CSN2: variants seen among roughly 807,000 people sequenced by gnomAD.
CSN2 encodes casein beta, also known as beta-casein.
In CSN2, 27 loss-of-function variants were observed where a neutral mutation model predicts 27.3. That is an observed-to-expected ratio of 0.99 (90% CI 0.73 to 1.36). The LOEUF (loss-of-function observed/expected upper bound fraction) is 1.36, where lower values mean the gene tolerates loss of function less well. Among genes scored for constraint, CSN2 ranks in the 40% most tolerant of loss-of-function variants. The pLI is 0.00. For synonymous variants in CSN2, 131 were observed against 94.8 expected, an observed-to-expected ratio of 1.38 and a Z score of -2.22; for missense variants, 333 against 264.5, an observed-to-expected ratio of 1.26 and a Z score of -1.80.
intron 3 of CSN2, among the ~76,000 whole-genome samples, chr4:69,959,735 C>G (rs1723510846): frequency 6.6e-6 from 1 of 151,890 alleles, no homozygotes; most frequent in Admixed American, 6.6e-5. Context: ...CAATGTCTGA[C>G]CCATAGAAGG....
rs1578144155 is a variant in CSN2 at position 69,959,186 on chromosome 4, C to T, written c.79-117G>A. ...AATATCATTAATAACTTTGTATAATCATTAAACTTATGTATTAAACTGTTC... is the reference window on the plus strand; with the variant it reads ...AATATCATTAATAACTTTGTATAATTATTAAACTTATGTATTAAACTGTTC... On this transcript the variant is annotated intron_variant, in intron 3 of 7. Coordinates refer to ENST00000353151, the MANE Select transcript of CSN2 (RefSeq NM_001891.4). The T allele has an allele frequency of 8.6e-6, 7 of 816,264 alleles. No homozygotes were observed. In the East Asian group the frequency reaches 1.7e-4, roughly 20 times the overall value. 50.6% of individuals were successfully genotyped at this position (816,264 alleles called of 1,614,324 possible).
rs1487364290 is a variant in CSN2 at position 69,957,814 on chromosome 4, A to G, written c.145-10T>C. ...TATCCTGGTGTTCATCCTGGAAAGA[A>G]GGAAAAAGAATCTTTGAGTCCTTGA... On this transcript the variant is annotated splice_polypyrimidine_tract_variant and intron_variant, in intron 5 of 7. Transcript: ENST00000353151. 6.2e-7 allele frequency: 1 copy of G among 1,604,874 alleles called. No homozygotes were observed. The highest frequency in any genetic ancestry group is 2.2e-5 in the East Asian group (1 of 44,760).
In CSN2 at chr4:69,956,503, A is replaced by AAAATAAATAAAT. The variant is rs567888173; in HGVS notation, c.676-160_676-149dup. ...ACCAGATGTGAAGTAAGGCTTGTGT[A>AAAATAAATAAAT]AAATAAATAAATAAATAAATAAATA... is the stretch of plus-strand genomic sequence containing the variant. On this transcript the variant is annotated intron_variant, in intron 6 of 7. Coordinates refer to ENST00000353151, the MANE Select transcript of CSN2 (RefSeq NM_001891.4). 9.7e-6 allele frequency: 5 copies of AAAATAAATAAAT among 515,458 alleles called. No individual in the cohort carries two copies. The African/African-American group carries it at 1.0e-4, about 10-fold the overall frequency. The allele number at this position is 515,458 out of a possible 1,614,324, so 31.9% of individuals were successfully genotyped here.
At chr4:69,955,867 T>C (rs1270203490) in intron 7 of CSN2, among the ~76,000 whole-genome samples, 4 of 152,026 alleles carry the variant, frequency 2.6e-5, no homozygotes, top group African/African-American at 9.7e-5. Context: ...TCTCCTCTTT[T>C]TAACCTTTAC....
At chr4:69,959,119 T>A in intron 3 of CSN2, 50 bp from the exon 4 acceptor site, 2 of 1,172,050 alleles carry the variant, frequency 1.7e-6, no homozygotes, top group South Asian at 3.0e-5. Flanking sequence ...CAATTCTTAC[T>A]TTGCAATATA....
chr4:69,963,480 G>T (rs923930148), intron 1 of CSN2, among the ~76,000 whole-genome samples: 2 of 151,428 alleles, frequency 1.3e-5, no homozygotes, highest in African/African-American at 4.9e-5. Context: ...GCAAACTATC[G>T]CAAGGACAAA....
At chr4:69,962,465 AC>A (rs1309768483) in intron 1 of CSN2, among the ~76,000 whole-genome samples, 2 of 152,218 alleles carry the variant, frequency 1.3e-5, no homozygotes, top group African/African-American at 4.8e-5. Context: ...GACAAAGCTG[AC>A]AAAAACAAGC....
Position 69,960,907 on chromosome 4 carries a change from T to C in CSN2, c.51+38A>G, listed in dbSNP as rs186903559. 4.7e-4 allele frequency: 735 copies of C among 1,560,702 alleles called. 5 individuals are homozygous for C. The African/African-American group carries it at 8.7e-3, about 18-fold the overall frequency. On this transcript the variant is annotated intron_variant, in intron 2 of 7. Coordinates refer to ENST00000353151, the MANE Select transcript of CSN2 (RefSeq NM_001891.4). ...CTACAAATAAGCATATAGTCCACTA[T>C]TTATTGATTGTTTAGGAATTTTTTC...
At chr4:69,962,364 T>C (rs916087277) in intron 1 of CSN2, among the ~76,000 whole-genome samples, 3 of 152,142 alleles carry the variant, frequency 2.0e-5, no homozygotes, top group African/African-American at 7.2e-5. Context: ...CAAAACAGCA[T>C]GGTACTTGGT....
Position 69,959,078 on chromosome 4 carries a change from A to T in CSN2, c.79-9T>A, listed in dbSNP as rs1324261679. The T allele has an allele frequency of 2.3e-6, 3 of 1,327,288 alleles. No individual in the cohort carries two copies. Among genetic ancestry groups the T allele is most frequent in the Admixed American group, 2.3e-5 (1 of 43,570 alleles). The allele number at this position is 1,327,288 out of a possible 1,614,324, so 82.2% of individuals were successfully genotyped here. Reference sequence around the variant, plus strand: ...TATTCTGTAATAGATTCCTACAGAAAAATATAAAATAAAATTAGGTTTAGT... The same window carrying T: ...TATTCTGTAATAGATTCCTACAGAATAATATAAAATAAAATTAGGTTTAGT... On this transcript the variant is annotated splice_polypyrimidine_tract_variant and intron_variant, in intron 3 of 7. Transcript: ENST00000353151.
intron 1 of CSN2, among the ~76,000 whole-genome samples, chr4:69,962,720 C>T (rs1345317047): frequency 2.0e-5 from 3 of 151,924 alleles, no homozygotes; most frequent in Non-Finnish European, 2.9e-5. Context: ...GCAACAAAAG[C>T]CAAAATTGAC....
chr4:69,957,919 TATTTCACTTATTTTGGTTA>T, intron 5 of CSN2, 115 bp from the exon 6 acceptor site: 2 of 971,714 alleles, frequency 2.1e-6, no homozygotes, highest in African/African-American at 3.3e-5. Context: ...GAGGAGAAAA[TATTTCACTTATTTTGGTTA>T]AGAAAGTATC....
In CSN2 at chr4:69,955,397, G is replaced by T. The variant is rs1413563323; in HGVS notation, c.*232C>A. 6.6e-6 allele frequency: 1 copy of T among 152,346 alleles called. No homozygotes were observed. Among genetic ancestry groups the T allele is most frequent in the Non-Finnish European group, 1.5e-5 (1 of 67,922 alleles). The allele number at this position is 152,346 out of a possible 1,614,324, so 9.4% of individuals were successfully genotyped here. On this transcript the variant is annotated 3_prime_UTR_variant, in exon 8 of 8. Coordinates refer to ENST00000353151, the MANE Select transcript of CSN2 (RefSeq NM_001891.4). ...TTCCAAATGAGTATTGAACTTCTGT[G>T]GTACTAGTTGAATTAAGATTTGGAA...
At position 69,957,762 on chromosome 4, in the gene CSN2, G is replaced by C; in HGVS notation, c.187C>G (p.Pro63Ala). 1 of 1,613,910 alleles carries C rather than the reference G, an allele frequency of 6.2e-7. No homozygotes were observed. The highest frequency in any genetic ancestry group is 8.5e-7 in the Non-Finnish European group (1 of 1,179,910). ...GGTTCAACGAATGGATAGATCAGAG[G>C]CTGTGGCTGGAAAGAGGGGTAGATT... is the stretch of plus-strand genomic sequence containing the variant. ...DKIYPSFQPQ[P>A]LIYPFVEPIP... The change falls in exon 6 of 8, where the codon CCT becomes GCT. Residue 63 changes from proline to alanine, a missense_variant. Coordinates refer to ENST00000353151, the MANE Select transcript of CSN2 (RefSeq NM_001891.4).
intron 1 of CSN2, among the ~76,000 whole-genome samples, chr4:69,963,062 C>T (rs866871008): frequency 2.6e-4 from 39 of 151,876 alleles, no homozygotes; most frequent in Middle Eastern, 3.4e-3. Flanking sequence ...GTTAGAATGG[C>T]GATCATTAAA....
At chr4:69,955,664 A>G (rs1195899050) in intron 7 of CSN2, 72 bp from the exon 8 acceptor site, 1 of 152,398 alleles carries the variant, frequency 6.6e-6, no homozygotes, top group Non-Finnish European at 1.5e-5. Context: ...TTCACTTTTA[A>G]CTTTGGTGTG....
At position 69,957,522 on chromosome 4, in the gene CSN2, G is replaced by C; in HGVS notation, c.427C>G (p.Leu143Val). The C allele has an allele frequency of 6.2e-7, 1 of 1,613,972 alleles. No individual in the cohort carries two copies. The highest frequency in any genetic ancestry group is 1.7e-5 in the Admixed American group (1 of 59,912). Residue 143 changes from leucine to valine, a missense_variant, in exon 6 of 8, where the codon CTG becomes GTG. By Grantham distance (32) the Leu-to-Val change is conservative (BLOSUM62 1). Coordinates refer to ENST00000353151, the MANE Select transcript of CSN2 (RefSeq NM_001891.4). Reference sequence around the variant, plus strand: ...TGCATCAAGGGCTGGAGCAGAGGCAGAGGAAGATGCAGATTTTCAAGATCA... The same window carrying C: ...TGCATCAAGGGCTGGAGCAGAGGCACAGGAAGATGCAGATTTTCAAGATCA... ...LTDLENLHLP[L>V]PLLQPLMQQV... is the part of the protein sequence containing the mutation.
At chr4:69,964,433 C>G (rs932173304) in intron 1 of CSN2, among the ~76,000 whole-genome samples, 1 of 151,974 alleles carries the variant, frequency 6.6e-6, no homozygotes, top group Non-Finnish European at 1.5e-5. Context: ...GATATTGAAA[C>G]TCAATTTTTG....
At position 69,962,222 on chromosome 4, in the gene CSN2, G is replaced by GA. The variant is rs529433878; in HGVS notation, c.-12-1216dup. Among the ~76,000 whole-genome samples the GA allele has an allele frequency of 3.4e-4, 51 of 151,934 alleles. 1 individual carries two copies. The East Asian group carries it at 9.9e-3, about 29-fold the overall frequency. On this transcript the variant is annotated intron_variant, in intron 1 of 7. Transcript: ENST00000353151. Reference sequence around the variant, plus strand: ...TACCAATGACTTTCTTCACAGAATTGAAAAAAACTACTTTAAAGTTCATAT... The same window carrying GA: ...TACCAATGACTTTCTTCACAGAATTGAAAAAAAACTACTTTAAAGTTCATAT...
Sources: allele counts gnomAD v4.1 joint callset (sites outside exome capture counted in the v4.1 genomes callset), GRCh38; gene constraint gnomAD v4.1.1; transcripts MANE v1.5; gene names NCBI Gene and HGNC (gene_info 2026-07-23, HGNC 2026-07-21).